Variants in SERGEF observed in about 807,000 individuals in gnomAD.
SERGEF encodes the protein secretion regulating guanine nucleotide exchange factor, also known as secretion-regulating guanine nucleotide exchange factor.
A neutral mutation model predicts 50.0 loss-of-function variants in SERGEF; 51 were observed. That is an observed-to-expected ratio of 1.02 (90% CI 0.81 to 1.29). The LOEUF is 1.29. Among genes scored for constraint, SERGEF ranks in the 50% most tolerant of loss-of-function variants. The probability of loss-of-function intolerance (pLI) is 0.00; values close to 1 mark genes in which losing one functional copy is unlikely to be tolerated. For synonymous variants in SERGEF, 205 were observed against 212.4 expected, an observed-to-expected ratio of 0.97 and a Z score of 0.30; for missense variants, 521 against 557.0, an observed-to-expected ratio of 0.94 and a Z score of 0.65.
chr11:17,877,284 G>A (rs1851254022), intron 10 of SERGEF, among the ~76,000 whole-genome samples: 1 of 152,186 alleles, frequency 6.6e-6, no homozygotes, highest in South Asian at 2.1e-4. Flanking sequence ...ATCAGAGCTG[G>A]AGGGAAACTT....
chr11:17,850,340 C>A (rs1004938499), intron 10 of SERGEF, among the ~76,000 whole-genome samples: 1 of 152,168 alleles, frequency 6.6e-6, no homozygotes, highest in Admixed American at 6.5e-5. Context: ...CAAATCCTAG[C>A]CTCCTCAGTA....
chr11:17,876,237 T>C (rs1322605409), intron 10 of SERGEF, among the ~76,000 whole-genome samples: 1 of 152,174 alleles, frequency 6.6e-6, no homozygotes, highest in Non-Finnish European at 1.5e-5. Flanking sequence ...CAGAAGTCTG[T>C]GAGCCAGGTC....
At chr11:17,814,048 A>G (rs1204399953) in intron 10 of SERGEF, among the ~76,000 whole-genome samples, 1 of 152,234 alleles carries the variant, frequency 6.6e-6, no homozygotes, top group Non-Finnish European at 1.5e-5. Flanking sequence ...AACCTCAGCA[A>G]TGACTTTAAA....
At chr11:17,852,124 C>A (rs1459550048) in intron 10 of SERGEF, among the ~76,000 whole-genome samples, 1 of 152,098 alleles carries the variant, frequency 6.6e-6, no homozygotes, top group Non-Finnish European at 1.5e-5. Context: ...GCCCTTTATA[C>A]CCATGATCTC....
chr11:17,881,206 A>G (rs763040486), intron 9 of SERGEF, among the ~76,000 whole-genome samples: 5 of 152,188 alleles, frequency 3.3e-5, no homozygotes, highest in Non-Finnish European at 7.3e-5. Flanking sequence ...ATTTTATTTT[A>G]CAAAATGCAG....
In SERGEF at chr11:18,000,516, C is replaced by T; in HGVS notation, c.489G>A (p.Arg163=). ...GATCACCTGTAGCAGCTACTGCATG[C>T]CTCAGTCCAGCAGCAATACAAACAA... ...EKVVCIAAGL[R]HAVAATASGI... Residue 163 remains arginine (R), a synonymous_variant, in exon 5 of 11, where the codon AGG becomes AGA. Coordinates refer to ENST00000265965, the MANE Select transcript of SERGEF (RefSeq NM_012139.4). 6.3e-7 allele frequency: 1 copy of T among 1,585,378 alleles called. No individual in the cohort carries two copies. The highest frequency in any genetic ancestry group is 8.5e-7 in the Non-Finnish European group (1 of 1,171,022).
intron 10 of SERGEF, among the ~76,000 whole-genome samples, chr11:17,814,762 C>A (rs1011788775): frequency 1.3e-5 from 2 of 152,172 alleles, no homozygotes; most frequent in Admixed American, 1.3e-4. Flanking sequence ...GAATTCCTGG[C>A]CAAAGCAAAT....
chr11:17,896,344 G>A (rs991072215), intron 9 of SERGEF, among the ~76,000 whole-genome samples: 1 of 151,984 alleles, frequency 6.6e-6, no homozygotes, highest in Non-Finnish European at 1.5e-5. Context: ...ATTCTATAAA[G>A]TATACGTACA....
chr11:17,994,475 C>CA (rs58280362), intron 6 of SERGEF, among the ~76,000 whole-genome samples: 37,065 of 63,846 alleles, frequency 0.58, 11,721 homozygotes, highest in Non-Finnish European at 0.66. Flanking sequence ...GACTCTGTCT[C>CA]AAAAAAAAAA....
chr11:17,983,519 T>C (rs1352364677), intron 8 of SERGEF, among the ~76,000 whole-genome samples: 1 of 152,214 alleles, frequency 6.6e-6, no homozygotes, highest in Non-Finnish European at 1.5e-5. Flanking sequence ...TAATACATCA[T>C]CTCTTTTAAT....
chr11:17,825,969 G>A (rs1850184921), intron 10 of SERGEF, among the ~76,000 whole-genome samples: 1 of 152,142 alleles, frequency 6.6e-6, no homozygotes, highest in African/African-American at 2.4e-5. Flanking sequence ...TAACTTACTA[G>A]CTCTGTAATT....
rs144944040 is a variant in SERGEF, at chr11:17,822,494, A to G, written c.1049-34081T>C. ...TTACCCACACAGAAATTCTGGCTGA[A>G]AAAGAACTCCAAATGGGGACAGGGC... On this transcript the variant is annotated intron_variant, in intron 10 of 10. Transcript: ENST00000265965. 9.2e-5 allele frequency among the ~76,000 whole-genome samples: 14 copies of G among 152,338 alleles called. No homozygotes were observed. The East Asian group carries it at 2.7e-3, about 29-fold the overall frequency.
At chr11:17,959,669 A>G in intron 8 of SERGEF, 33 bp from the exon 9 acceptor site, 6 of 1,576,054 alleles carry the variant, frequency 3.8e-6, no homozygotes, top group Non-Finnish European at 5.2e-6. Context: ...TTAAGACTAC[A>G]TTCCACAGCT....
chr11:17,917,951 G>T (rs1377674364), intron 9 of SERGEF, among the ~76,000 whole-genome samples: 1 of 152,188 alleles, frequency 6.6e-6, no homozygotes, highest in Non-Finnish European at 1.5e-5. Context: ...TTTAAATGGG[G>T]TTTATAAGTA....
chr11:17,824,040 G>A (rs889903669), intron 10 of SERGEF, among the ~76,000 whole-genome samples: 6 of 152,194 alleles, frequency 3.9e-5, no homozygotes, highest in Non-Finnish European at 7.3e-5. Context: ...GGTGGCTCAT[G>A]CCTGTAATCC....
At chr11:17,826,370 C>T (rs780032125) in intron 10 of SERGEF, among the ~76,000 whole-genome samples, 5 of 152,208 alleles carry the variant, frequency 3.3e-5, no homozygotes, top group African/African-American at 4.8e-5. Flanking sequence ...AAAAGTTTGC[C>T]GCAACTGGTA....
intron 9 of SERGEF, among the ~76,000 whole-genome samples, chr11:17,948,618 TGA>T (rs1852715142): frequency 6.6e-6 from 1 of 152,084 alleles, no homozygotes; most frequent in Non-Finnish European, 1.5e-5. Flanking sequence ...CTGCTTACAG[TGA>T]CATAAACATT....
intron 10 of SERGEF, among the ~76,000 whole-genome samples, chr11:17,807,611 A>G (rs1012598880): frequency 4.6e-5 from 7 of 152,198 alleles, no homozygotes; most frequent in Admixed American, 2.0e-4. Context: ...CCAACCAGGG[A>G]TCTGCCGGCG....
chr11:17,869,229 G>C (rs1210762402), intron 10 of SERGEF, among the ~76,000 whole-genome samples: 3 of 152,082 alleles, frequency 2.0e-5, no homozygotes, highest in African/African-American at 7.2e-5. Context: ...TTAATCTATA[G>C]TAAAATAAAA....
Sources: gnomAD v4.1 joint callset for allele counts (sites outside exome capture counted in the v4.1 genomes callset) on GRCh38, gnomAD v4.1.1 for gene constraint, MANE v1.5 for transcripts, NCBI Gene and HGNC (gene_info 2026-07-23, HGNC 2026-07-21) for gene names.